Variants in TXNL1 observed in about 807,000 individuals in gnomAD.
The protein encoded by TXNL1 is thioredoxin like 1.
TXNL1 carries 14 observed loss-of-function variants against 35.5 expected under a neutral mutation model. The ratio of observed to expected loss-of-function variants is 0.39; its 90% CI spans 0.26 to 0.62. The LOEUF is 0.62. TXNL1 is among the 20% of genes least tolerant of loss of function. The pLI, the probability that TXNL1 is intolerant of heterozygous loss-of-function variation, is 0.47. For synonymous variants in TXNL1, 110 were observed against 115.5 expected (o/e 0.95, Z 0.31); for missense variants, 263 against 349.7 (o/e 0.75, Z 1.98).
chr18:56,615,813 T>C (rs958418531), intron 5 of TXNL1, among the ~76,000 whole-genome samples: 6 of 152,178 alleles, frequency 3.9e-5, no homozygotes, highest in Non-Finnish European at 8.8e-5. Flanking sequence ...TCACATTATT[T>C]ACTCATTCAT....
At chr18:56,610,526 A>C (rs2144287878) in intron 7 of TXNL1, 1 of 152,586 alleles carries the variant, frequency 6.6e-6, no homozygotes, top group Middle Eastern at 3.4e-3. Flanking sequence ...TCAGCATACA[A>C]ACATGGTTTG....
At chr18:56,624,120 C>T (rs1293443229) in intron 3 of TXNL1, among the ~76,000 whole-genome samples, 168 bp downstream of exon 3, 1 of 152,128 alleles carries the variant, frequency 6.6e-6, no homozygotes, top group Non-Finnish European at 1.5e-5. Context: ...CAAACGTACA[C>T]ATACAGACAA....
Position 56,598,824 on chromosome 18 carries a change from G to A in TXNL1, c.*4203C>T, listed in dbSNP as rs182573089. ...TATTTTTACACAAGAAGAAATTTGA[G>A]CTCTGAAGGATGTTACTTGCTCAAG... On this transcript the variant is annotated 3_prime_UTR_variant, in exon 8 of 8. Transcript: ENST00000217515. 6.6e-5 allele frequency: 10 copies of A among 152,300 alleles called. 1 individual carries two copies. The East Asian group carries it at 1.9e-3, about 29-fold the overall frequency. 9.4% of individuals were successfully genotyped at this position (152,300 alleles called of 1,614,324 possible). A position where few individuals can be genotyped will look rare whatever the true frequency, so the allele number is the denominator to read the frequency against.
intron 7 of TXNL1, 65 bp downstream of exon 7, chr18:56,610,928 T>C (rs2023979641): frequency 2.9e-6 from 3 of 1,026,642 alleles, no homozygotes; most frequent in Non-Finnish European, 4.3e-6. Context: ...ACAGTTGAGA[T>C]ACATGAAATT....
rs1016681156 is a variant in TXNL1, at chr18:56,600,698, G to A, written c.*2329C>T. On this transcript the variant is annotated 3_prime_UTR_variant, in exon 8 of 8. Transcript: ENST00000217515. ...GGCAGGTTTCAACTCTAATTGTTAC[G>A]TGGCTGCCTCCAACAGAATATTGAG... is the stretch of plus-strand genomic sequence containing the variant. 9 of 151,920 alleles carry A rather than the reference G, an allele frequency of 5.9e-5. No homozygotes were observed. The South Asian group carries it at 1.0e-3, about 17-fold the overall frequency. 9.4% of individuals were successfully genotyped at this position (151,920 alleles called of 1,614,324 possible).
intron 3 of TXNL1, among the ~76,000 whole-genome samples, chr18:56,619,264 G>A (rs1325910205): frequency 1.3e-5 from 2 of 149,098 alleles, no homozygotes; most frequent in African/African-American, 2.5e-5. Flanking sequence ...AGGCCGGGTC[G>A]GGGTGGCTCA....
chr18:56,634,823 A>G (rs2024430917), intron 1 of TXNL1, among the ~76,000 whole-genome samples: 1 of 152,224 alleles, frequency 6.6e-6, no homozygotes, highest in Non-Finnish European at 1.5e-5. Context: ...CTTCATCAAA[A>G]TTTAAAACTC....
At chr18:56,624,207 AC>A in intron 3 of TXNL1, 80 bp downstream of exon 3, 3 of 1,409,364 alleles carry the variant, frequency 2.1e-6, no homozygotes, top group South Asian at 3.0e-5. Flanking sequence ...GAAGATGGAA[AC>A]ATAGTTATAT....
intron 1 of TXNL1, among the ~76,000 whole-genome samples, chr18:56,635,956 AAAT>A (rs1216344162): frequency 5.9e-5 from 9 of 152,340 alleles, no homozygotes; most frequent in East Asian, 3.9e-4. Flanking sequence ...ATTGTTTAGA[AAAT>A]AATGACAAGA....
rs760524977 is a variant in TXNL1, at chr18:56,624,401, C to T, written c.256G>A (p.Val86Met). ...TPTFLFFRNK[V>M]RIDQYQGADA... ...GCTCCTTGATATTGATCAATTCTCACTTTGTTTCGAAAAAACAAAAATGTA... is the reference window on the plus strand; with the variant it reads ...GCTCCTTGATATTGATCAATTCTCATTTTGTTTCGAAAAAACAAAAATGTA... The change falls in exon 3 of 8, where the codon GTG (valine) becomes ATG (methionine). Residue 86 changes from valine to methionine, a missense_variant. Physicochemically the swap from Val to Met is conservative, Grantham distance 21 (BLOSUM62 1). Transcript: ENST00000217515. 3 of 1,613,526 alleles carry T rather than the reference C, an allele frequency of 1.9e-6. No individual in the cohort carries two copies. Among genetic ancestry groups the T allele is most frequent in the Non-Finnish European group, 1.7e-6 (2 of 1,179,764 alleles).
intron 2 of TXNL1, chr18:56,626,093 C>A: frequency 1.2e-6 from 1 of 843,828 alleles, no homozygotes; most frequent in Non-Finnish European, 1.5e-6. Flanking sequence ...AAATGTAATA[C>A]ACAGAACTGC....
At chr18:56,633,588 G>A (rs1313952175) in intron 1 of TXNL1, among the ~76,000 whole-genome samples, 2 of 141,462 alleles carry the variant, frequency 1.4e-5, no homozygotes, top group Middle Eastern at 3.9e-3. Context: ...TCACTGTACT[G>A]CAGCCTGAGC....
chr18:56,621,290 C>T (rs2024179155), intron 3 of TXNL1, among the ~76,000 whole-genome samples: 1 of 151,752 alleles, frequency 6.6e-6, no homozygotes, highest in South Asian at 2.1e-4. Flanking sequence ...AATGCAACCT[C>T]CGCCTCCTGC....
At chr18:56,632,698 T>C (rs1598925139) in intron 1 of TXNL1, among the ~76,000 whole-genome samples, 2 of 152,230 alleles carry the variant, frequency 1.3e-5, no homozygotes, top group African/African-American at 2.4e-5. Flanking sequence ...AACTGATCTA[T>C]AGTGTTAGAA....
intron 1 of TXNL1, among the ~76,000 whole-genome samples, chr18:56,635,125 G>C (rs190346331): frequency 6.6e-6 from 1 of 152,032 alleles, no homozygotes; most frequent in Non-Finnish European, 1.5e-5. Flanking sequence ...GGGCATGGTG[G>C]TATGTGTCTG....
intron 3 of TXNL1, among the ~76,000 whole-genome samples, chr18:56,622,347 G>T (rs1229492757): frequency 6.6e-6 from 1 of 151,936 alleles, no homozygotes; most frequent in Non-Finnish European, 1.5e-5. Flanking sequence ...CTAAATGGTG[G>T]GAAACAGCCA....
At chr18:56,619,763 C>A (rs181505859) in intron 3 of TXNL1, among the ~76,000 whole-genome samples, 1 of 152,094 alleles carries the variant, frequency 6.6e-6, no homozygotes, top group East Asian at 1.9e-4. Context: ...TTATTTCTGA[C>A]TTTAGTAGGA....
At chr18:56,612,888 T>G (rs867841334) in intron 6 of TXNL1, among the ~76,000 whole-genome samples, 1 of 152,118 alleles carries the variant, frequency 6.6e-6, no homozygotes, top group Non-Finnish European at 1.5e-5. Context: ...TTTTTTTTTT[T>G]GTCACCCAGA....
intron 7 of TXNL1, chr18:56,605,340 T>A (rs918026252): frequency 3.3e-5 from 5 of 152,202 alleles, no homozygotes; most frequent in African/African-American, 1.2e-4. Context: ...TACTTCATTT[T>A]AAAATATCTT....
Sources: gnomAD v4.1 joint callset for allele counts (sites outside exome capture counted in the v4.1 genomes callset) on GRCh38, gnomAD v4.1.1 for gene constraint, MANE v1.5 for transcripts, NCBI Gene and HGNC (gene_info 2026-07-23, HGNC 2026-07-21) for gene names.